LRP1: variants seen among roughly 807,000 people sequenced by gnomAD.
LRP1 encodes the protein LDL receptor related protein 1, also known as prolow-density lipoprotein receptor-related protein 1.
In LRP1, 51 loss-of-function variants were observed where a neutral mutation model predicts 541.5. That is an observed-to-expected ratio of 0.09 (90% CI 0.08 to 0.12). LRP1 has a LOEUF of 0.12. LRP1 is among the 10% of genes least tolerant of loss of function. The pLI, the probability that LRP1 is intolerant of heterozygous loss-of-function variation, is 1.00. For missense variants in LRP1, 3,878 were observed against 6,376.2 expected, an observed-to-expected ratio of 0.61 and a Z score of 13.34; for synonymous variants, 2,219 against 2,470.8, an observed-to-expected ratio of 0.90 and a Z score of 3.02.
Position 57,175,902 on chromosome 12 carries a change from A to T in LRP1, c.3794-7A>T, listed in dbSNP as rs1249198586. Reference sequence around the variant, plus strand: ...TTGCTGACCCCATCACATCCCTCCCATCCCAGACCCCTTCAAGCCGTTCAT... The same window carrying T: ...TTGCTGACCCCATCACATCCCTCCCTTCCCAGACCCCTTCAAGCCGTTCAT... On this transcript the variant is annotated splice_region_variant and splice_polypyrimidine_tract_variant and intron_variant, in intron 23 of 88. Transcript: ENST00000243077. 1 of 1,613,862 alleles carries T rather than the reference A, an allele frequency of 6.2e-7. No homozygotes were observed. The highest frequency in any genetic ancestry group is 8.5e-7 in the Non-Finnish European group (1 of 1,179,976).
At chr12:57,193,046 C>A in intron 45 of LRP1, 76 bp downstream of exon 45, 1 of 1,586,556 alleles carries the variant, frequency 6.3e-7, no homozygotes, top group Non-Finnish European at 8.6e-7. Context: ...CCCCTACATG[C>A]TCCAGCCCAG....
chr12:57,133,542 G>A (rs756573687), intron 1 of LRP1, among the ~76,000 whole-genome samples: 1 of 152,056 alleles, frequency 6.6e-6, no homozygotes, highest in Non-Finnish European at 1.5e-5. Context: ...AAAACCTCTC[G>A]GTTTGGGTTT....
At chr12:57,145,779 G>A (rs2035393491) in intron 6 of LRP1, among the ~76,000 whole-genome samples, 1 of 152,166 alleles carries the variant, frequency 6.6e-6, no homozygotes, top group Non-Finnish European at 1.5e-5. Flanking sequence ...TTCTCTGAGA[G>A]GGGAGTGTTG....
intron 42 of LRP1, among the ~76,000 whole-genome samples, chr12:57,187,689 AC>A (rs1161554218): frequency 6.6e-6 from 1 of 152,176 alleles, no homozygotes; most frequent in African/African-American, 2.4e-5. Context: ...GAGCATCAGG[AC>A]TGTGGGGGAC....
chr12:57,210,036 C>T lies in LRP1; in HGVS notation c.12447C>T (p.Asn4149=). 1 of 1,608,644 alleles carries T rather than the reference C, an allele frequency of 6.2e-7. No homozygotes were observed. Among genetic ancestry groups the T allele is most frequent in the Non-Finnish European group, 8.5e-7 (1 of 1,177,098 alleles). Residue 4149 remains asparagine, a synonymous_variant, in exon 81 of 89, where the codon AAC becomes AAT. Transcript: ENST00000243077. ...YHQHKQPEVT[N]PCDRKKCEWL... ...CCCCACCCATACCTGCAGTGACCAA[C>T]CCATGTGACCGCAAGAAATGCGAGT...
Position 57,162,822 on chromosome 12 carries a change from C to A in LRP1, c.2405-36C>A. Reference sequence around the variant, plus strand: ...CTTCTCTGACCTCTCCTCACCTCTTCCTCCCTTTGCCTTTCCCCATGGCCC... The same window carrying A: ...CTTCTCTGACCTCTCCTCACCTCTTACTCCCTTTGCCTTTCCCCATGGCCC... On this transcript the variant is annotated intron_variant, in intron 14 of 88. Transcript: ENST00000243077. The surrounding 1 kb of genome is among the most constrained non-coding windows in gnomAD (Gnocchi z 5.2). The A allele has an allele frequency of 6.3e-7, 1 of 1,581,320 alleles. No individual in the cohort carries two copies. The highest frequency in any genetic ancestry group is 2.3e-5 in the East Asian group (1 of 43,408).
chr12:57,156,116 C>A lies in LRP1; in HGVS notation c.1250C>A (p.Thr417Asn). The stretch of plus-strand genomic sequence containing the variant: ...CAGATTGAGCACCTGTACGGCCTGA[C>A]TGTGTTTGAGAATTATCTCTATGCC... Reference protein sequence around the residue: ...GILIEHLYGLTVFENYLYATN... With the variant: ...GILIEHLYGLNVFENYLYATN... Residue 417 changes from threonine (T) to asparagine (N), a missense_variant, in exon 9 of 89, where the codon ACT becomes AAT. By Grantham distance (65) the Thr-to-Asn change is moderately conservative. Around this residue, in one of 13 missense-constraint regions of LRP1, gnomAD observed 496 missense variants for 861.0 expected, o/e 0.58. Coordinates refer to ENST00000243077, the MANE Select transcript of LRP1 (RefSeq NM_002332.3). The surrounding 1 kb of genome is among the most constrained non-coding windows in gnomAD (Gnocchi z 5.2). 6.2e-7 allele frequency: 1 copy of A among 1,614,102 alleles called. No homozygotes were observed. Among genetic ancestry groups the A allele is most frequent in the Non-Finnish European group, 8.5e-7 (1 of 1,180,020 alleles).
At position 57,205,840 on chromosome 12, in the gene LRP1, T is replaced by G. The variant is rs1358324068; in HGVS notation, c.11590+163T>G. ...CCTGAGCACAGTGCTGGCCCAGCAGTGGGGGCAGGTCCTGGGGCTGGCTGA... is the reference window on the plus strand; with the variant it reads ...CCTGAGCACAGTGCTGGCCCAGCAGGGGGGGCAGGTCCTGGGGCTGGCTGA... On this transcript the variant is annotated intron_variant, in intron 75 of 88. Transcript: ENST00000243077. This position sits in a 1 kb window ranked among gnomAD's most constrained non-coding sequence, Gnocchi z 4.6. 1 of 1,092,856 alleles carries G rather than the reference T, an allele frequency of 9.2e-7. No homozygotes were observed. The highest frequency in any genetic ancestry group is 2.6e-5 in the East Asian group (1 of 38,462). 67.7% of individuals were successfully genotyped at this position (1,092,856 alleles called of 1,614,324 possible). A position where few individuals can be genotyped will look rare whatever the true frequency, so the allele number is the denominator to read the frequency against.
rs762365442 is a variant in LRP1, at chr12:57,199,263, A to G, written c.9728A>G (p.Tyr3243Cys). ...TTTGCACTGACCCTGTTTGAGGACT[A>G]CGTCTACTGGACCGACTGGGAAACA... Reference protein sequence around the residue: ...HIFALTLFEDYVYWTDWETKS... With the variant: ...HIFALTLFEDCVYWTDWETKS... Residue 3243 changes from tyrosine (Y) to cysteine (C), a missense_variant, in exon 61 of 89, where the codon TAC (tyrosine) becomes TGC (cysteine). By Grantham distance (194) the Tyr-to-Cys change is radical (BLOSUM62 -2). This residue lies in a region of LRP1 where 1,100 missense variants were observed against 1,827.4 expected (regional missense o/e 0.60). Coordinates refer to ENST00000243077, the MANE Select transcript of LRP1 (RefSeq NM_002332.3). 1.2e-6 allele frequency: 2 copies of G among 1,613,956 alleles called. No individual in the cohort carries two copies. Among genetic ancestry groups the G allele is most frequent in the South Asian group, 1.1e-5 (1 of 91,080 alleles).
chr12:57,149,802 C>G, intron 6 of LRP1: 1 of 701,640 alleles, frequency 1.4e-6, no homozygotes, highest in Non-Finnish European at 2.6e-6. Flanking sequence ...GAGGCCACAT[C>G]GTTTAGCAGA....
rs755040010 is a variant in LRP1, at chr12:57,195,877, G to A, written c.8575G>A (p.Gly2859Ser). The A allele has an allele frequency of 1.1e-4, 171 of 1,613,656 alleles. 1 individual carries two copies. In the Admixed American group the frequency reaches 1.5e-3, roughly 14 times the overall value. Reference protein sequence around the residue: ...ESPECEYPTCGPSEFRCANGR... With the variant: ...ESPECEYPTCSPSEFRCANGR... ...TCCTCCCCCAGAGTACCCGACCTGC[G>A]GCCCCAGTGAGTTCCGCTGTGCCAA... Residue 2859 changes from glycine to serine, a missense_variant, in exon 54 of 89, where the codon GGC becomes AGC. By Grantham distance (56) the Gly-to-Ser change is moderately conservative. Transcript: ENST00000243077.
intron 1 of LRP1, among the ~76,000 whole-genome samples, chr12:57,130,029 G>A (rs996330365): frequency 2.0e-5 from 3 of 152,104 alleles, no homozygotes; most frequent in African/African-American, 7.2e-5. Flanking sequence ...GGGGAAATGG[G>A]GTGCCTCTCT....
Position 57,180,321 on chromosome 12 carries a change from C to G in LRP1, c.5237-9C>G, listed in dbSNP as rs1167194847. The G allele has an allele frequency of 5.0e-6, 8 of 1,613,732 alleles. No homozygotes were observed. In the South Asian group the frequency reaches 5.5e-5, roughly 11 times the overall value. ...CCAGACTCCCCGGCAGTGACTCCCC[C>G]TTTTCCAGGCCTGGCTATTGACTTC... is the stretch of plus-strand genomic sequence containing the variant. On this transcript the variant is annotated splice_polypyrimidine_tract_variant and intron_variant, in intron 31 of 88. Coordinates refer to ENST00000243077, the MANE Select transcript of LRP1 (RefSeq NM_002332.3).
Position 57,173,682 on chromosome 12 carries a change from A to G in LRP1, c.3347-98A>G, listed in dbSNP as rs2035987491. 4.5e-6 allele frequency: 6 copies of G among 1,319,290 alleles called. No homozygotes were observed. Among genetic ancestry groups the G allele is most frequent in the African/African-American group, 1.4e-5 (1 of 69,036 alleles). The allele number at this position is 1,319,290 out of a possible 1,614,324, so 81.7% of individuals were successfully genotyped here. On this transcript the variant is annotated intron_variant, in intron 21 of 88. Coordinates refer to ENST00000243077, the MANE Select transcript of LRP1 (RefSeq NM_002332.3). The surrounding 1 kb of genome is among the most constrained non-coding windows in gnomAD (Gnocchi z 4.7). ...TCCTCGTGGACCCCACAGCGTTGCA[A>G]TCCTGACCCTATTAGAGAAGCCCAC...
Position 57,167,518 on chromosome 12 carries a change from G to T in LRP1, c.2989G>T (p.Asp997Tyr). Residue 997 changes from aspartate (D) to tyrosine (Y), a missense_variant, in exon 19 of 89, where the codon GAC becomes TAC. By Grantham distance (160) the Asp-to-Tyr change is radical (BLOSUM62 -3). Transcript: ENST00000243077. ...ATGTATCAACATCAACTGGAGATGCGACAATGGTAAGAGCTTGCTCTCCTC... is the reference window on the plus strand; with the variant it reads ...ATGTATCAACATCAACTGGAGATGCTACAATGGTAAGAGCTTGCTCTCCTC... Reference protein sequence around the residue: ...GRCININWRCDNDNDCGDNSD... With the variant: ...GRCININWRCYNDNDCGDNSD... The T allele has an allele frequency of 6.2e-7, 1 of 1,613,480 alleles. No homozygotes were observed. The highest frequency in any genetic ancestry group is 1.1e-5 in the South Asian group (1 of 91,050).
intron 68 of LRP1, 149 bp downstream of exon 68, chr12:57,202,686 C>T (rs947178286): frequency 7.9e-6 from 5 of 633,918 alleles, no homozygotes; most frequent in African/African-American, 7.3e-5. Context: ...CACTCCATGT[C>T]GTGTATTTGA....
chr12:57,162,176 T>C lies in LRP1; in HGVS notation c.2203-141T>C. 1.4e-6 allele frequency: 1 copy of C among 734,048 alleles called. No homozygotes were observed. Among genetic ancestry groups the C allele is most frequent in the African/African-American group, 1.7e-5 (1 of 58,332 alleles). The allele number at this position is 734,048 out of a possible 1,614,324, so 45.5% of individuals were successfully genotyped here. On this transcript the variant is annotated intron_variant, in intron 13 of 88. Coordinates refer to ENST00000243077, the MANE Select transcript of LRP1 (RefSeq NM_002332.3). This position sits in a 1 kb window ranked among gnomAD's most constrained non-coding sequence, Gnocchi z 5.2. ...ATCCCACTGTGTGCAAAACTATCAC[T>C]CTCTGGGGCTCCCAGGCTAATGGGG...
In LRP1 at chr12:57,185,139, C is replaced by A. The variant is rs2036243282; in HGVS notation, c.6397C>A (p.Pro2133Thr). The A allele has an allele frequency of 1.9e-6, 3 of 1,614,040 alleles. No individual in the cohort carries two copies. Among genetic ancestry groups the A allele is most frequent in the Admixed American group, 3.3e-5 (2 of 60,008 alleles). ...GSKDNATDSVPLRTGIGVQLK... is the reference protein window; with the variant it reads ...GSKDNATDSVTLRTGIGVQLK... ...CAAAGACAATGCCACAGACTCCGTGCCCCTGCGAACCGGCATCGGCGTCCA... is the reference window on the plus strand; with the variant it reads ...CAAAGACAATGCCACAGACTCCGTGACCCTGCGAACCGGCATCGGCGTCCA... Residue 2133 changes from proline to threonine, a missense_variant, in exon 40 of 89, where the codon CCC (proline) becomes ACC (threonine). By Grantham distance (38) the Pro-to-Thr change is conservative. Transcript: ENST00000243077. The surrounding 1 kb of genome is among the most constrained non-coding windows in gnomAD (Gnocchi z 4.9).
chr12:57,181,380 T>C, intron 34 of LRP1, 89 bp downstream of exon 34: 2 of 1,481,296 alleles, frequency 1.4e-6, no homozygotes, highest in South Asian at 2.6e-5. Context: ...CTTCTTACCT[T>C]GGGGACAAGA....
Sources: allele counts gnomAD v4.1 joint callset (sites outside exome capture counted in the v4.1 genomes callset), GRCh38; gene constraint gnomAD v4.1.1; regional missense constraint gnomAD v4.1.1; non-coding constraint Gnocchi (gnomAD v3.1); transcripts MANE v1.5; gene names NCBI Gene and HGNC (gene_info 2026-07-23, HGNC 2026-07-21).